DAB1: variants seen among roughly 807,000 people sequenced by gnomAD.
DAB1 encodes disabled homolog 1.
Under a neutral mutation model 64.6 loss-of-function variants are expected in DAB1, and 15 were observed. That is an observed-to-expected ratio of 0.23 (90% CI 0.16 to 0.36). The LOEUF (loss-of-function observed/expected upper bound fraction) is 0.36. DAB1 is among the 10% of genes least tolerant of loss of function. The pLI, the probability that DAB1 is intolerant of heterozygous loss-of-function variation, is 1.00. For synonymous variants in DAB1, 235 were observed against 251.9 expected (o/e 0.93, Z 0.64); for missense variants, 596 against 706.7 (o/e 0.84, Z 1.78).
chr1:57,297,254 G>A (rs1443395889), intron 1 of DAB1, among the ~76,000 whole-genome samples: 3 of 152,122 alleles, frequency 2.0e-5, no homozygotes, highest in African/African-American at 7.2e-5. Context: ...ATATTGTACT[G>A]GAGAGAAAAG....
At chr1:57,458,117 T>C (rs1251861004) in intron 7 of DAB1, among the ~76,000 whole-genome samples, 1 of 152,142 alleles carries the variant, frequency 6.6e-6, no homozygotes, top group East Asian at 1.9e-4. Flanking sequence ...CAGTAATACA[T>C]TTCATATGTA....
chr1:58,269,012 A>G (rs1036040863), intron 4 of DAB1, among the ~76,000 whole-genome samples: 4 of 23,272 alleles, frequency 1.7e-4, no homozygotes, highest in African/African-American at 5.3e-4. Context: ...TTATTTTTTT[A>G]TTTATTTTTT....
chr1:57,258,821 G>T (rs1669962918), intron 2 of DAB1, among the ~76,000 whole-genome samples: 1 of 152,086 alleles, frequency 6.6e-6, no homozygotes, highest in African/African-American at 2.4e-5. Context: ...GTAGCAATAT[G>T]TCAGCATGAT....
At chr1:58,253,873 G>C (rs75344312) in intron 4 of DAB1, among the ~76,000 whole-genome samples, 3 of 152,178 alleles carry the variant, frequency 2.0e-5, no homozygotes, top group African/African-American at 7.2e-5. Context: ...TAGGACCTGA[G>C]CTTCTGTTTT....
intron 1 of DAB1, among the ~76,000 whole-genome samples, chr1:57,291,806 A>G (rs1672799355): frequency 6.6e-6 from 1 of 152,230 alleles, no homozygotes; most frequent in Non-Finnish European, 1.5e-5. Flanking sequence ...TTCATTCTCT[A>G]ATAAATGTGC....
Position 58,349,612 on chromosome 1 carries a change from G to C in DAB1, n.258-6209C>G, listed in dbSNP as rs540856709. ...TCCTAATGCTATCCCTCCCCTAGACGCCCACCCCTCGACAGGCCCTGGTGT... is the reference window on the plus strand; with the variant it reads ...TCCTAATGCTATCCCTCCCCTAGACCCCCACCCCTCGACAGGCCCTGGTGT... On this transcript the variant is annotated intron_variant and non_coding_transcript_variant, in intron 3 of 20. Coordinates refer to the DAB1 transcript ENST00000485760. Among the ~76,000 whole-genome samples, 10 of 151,680 alleles carry C rather than the reference G, an allele frequency of 6.6e-5. 1 individual carries two copies. Among genetic ancestry groups the C allele is most frequent in the Admixed American group, 5.3e-4 (8 of 15,210 alleles).
At chr1:58,492,933 T>A (rs1016333800) in intron 3 of DAB1, among the ~76,000 whole-genome samples, 1 of 152,176 alleles carries the variant, frequency 6.6e-6, no homozygotes, top group African/African-American at 2.4e-5. Context: ...AGCATCATCC[T>A]GATACCAAAG....
At chr1:57,331,276 TG>T (rs901917400) in intron 1 of DAB1, among the ~76,000 whole-genome samples, 14 of 152,212 alleles carry the variant, frequency 9.2e-5, no homozygotes, top group Admixed American at 2.6e-4. Flanking sequence ...AAAGACACTG[TG>T]GTAATTGTTT....
chr1:57,005,771 G>A (rs1294907280), intron 14 of DAB1, among the ~76,000 whole-genome samples: 1 of 152,142 alleles, frequency 6.6e-6, no homozygotes, highest in Non-Finnish European at 1.5e-5. Context: ...TATTACATGT[G>A]AATCTCAGGA....
intron 5 of DAB1, among the ~76,000 whole-genome samples, chr1:57,944,714 C>T (rs928374398): frequency 5.9e-5 from 9 of 152,176 alleles, no homozygotes; most frequent in African/African-American, 2.2e-4. Context: ...GTAAACAGCT[C>T]TTCCACATAC....
intron 5 of DAB1, among the ~76,000 whole-genome samples, chr1:57,972,985 T>C (rs890161805): frequency 6.6e-6 from 1 of 152,226 alleles, no homozygotes; most frequent in Non-Finnish European, 1.5e-5. Flanking sequence ...CAAGTCCTGA[T>C]CGCTGGAGCC....
chr1:58,191,616 T>A (rs1026445297), intron 4 of DAB1, among the ~76,000 whole-genome samples: 4 of 152,234 alleles, frequency 2.6e-5, no homozygotes, highest in Non-Finnish European at 4.4e-5. Flanking sequence ...TCCAAAATGA[T>A]GCTTTGCAAT....
intron 5 of DAB1, among the ~76,000 whole-genome samples, chr1:58,112,893 C>T (rs142870509): frequency 1.0e-3 from 154 of 152,300 alleles, no homozygotes; most frequent in Non-Finnish European, 1.4e-3. Flanking sequence ...GGACACTCTT[C>T]CCTGAAGATT....
intron 7 of DAB1, among the ~76,000 whole-genome samples, chr1:57,510,124 G>A (rs1342536985): frequency 6.6e-6 from 1 of 151,988 alleles, no homozygotes; most frequent in East Asian, 1.9e-4. Flanking sequence ...AACAAATAAA[G>A]CCCTACACAC....
At chr1:57,632,693 G>A (rs1646005238) in intron 7 of DAB1, among the ~76,000 whole-genome samples, 1 of 152,160 alleles carries the variant, frequency 6.6e-6, no homozygotes, top group Non-Finnish European at 1.5e-5. Context: ...GTAAGAGGAA[G>A]TCAAGAGATA....
At chr1:58,130,028 CGTT>C (rs1653427292) in intron 5 of DAB1, among the ~76,000 whole-genome samples, 1 of 134,812 alleles carries the variant, frequency 7.4e-6, no homozygotes, top group Non-Finnish European at 1.6e-5. Context: ...CTTTCTGTCT[CGTT>C]GATCTGTCTA....
At chr1:58,295,968 G>A (rs979653133) in intron 4 of DAB1, among the ~76,000 whole-genome samples, 7 of 151,024 alleles carry the variant, frequency 4.6e-5, no homozygotes, top group African/African-American at 7.3e-5. Context: ...TGGCACACCC[G>A]TATAGTCCCA....
At chr1:57,237,747 A>G (rs1255362823) in intron 2 of DAB1, among the ~76,000 whole-genome samples, 1 of 152,196 alleles carries the variant, frequency 6.6e-6, no homozygotes, top group East Asian at 1.9e-4. Flanking sequence ...GATTACTCAA[A>G]TTGTTCAAAA....
intron 5 of DAB1, among the ~76,000 whole-genome samples, chr1:57,937,435 A>T (rs1645042464): frequency 6.6e-6 from 1 of 152,056 alleles, no homozygotes; most frequent in Admixed American, 6.6e-5. Context: ...CTAGAGTTGC[A>T]TTTCTGTAAT....
Sources: gnomAD v4.1 joint callset for allele counts (sites outside exome capture counted in the v4.1 genomes callset) on GRCh38, gnomAD v4.1.1 for gene constraint, MANE v1.5 for transcripts, NCBI Gene and HGNC (gene_info 2026-07-23, HGNC 2026-07-21) for gene names.